The following SCAI variants were observed in gnomAD, a reference collection of about 807,000 sequenced individuals.
SCAI encodes the protein protein SCAI.
In SCAI, 24 loss-of-function variants were observed where a neutral mutation model predicts 92.2. The ratio of observed to expected loss-of-function variants is 0.26; its 90% confidence interval spans 0.19 to 0.37. The LOEUF is 0.37. Among genes scored for constraint, SCAI ranks in the 10% least tolerant of loss-of-function variants. The pLI is 1.00. For synonymous variants in SCAI, 261 were observed against 258.6 expected (o/e 1.01, Z -0.09); for missense variants, 450 against 736.2 (o/e 0.61, Z 4.50).
At chr9:124,968,394 T>TC in intron 17 of SCAI, 2 of 1,134,238 alleles carry the variant, frequency 1.8e-6, no homozygotes, top group Non-Finnish European at 2.7e-6. Flanking sequence ...GGACACGCAA[T>TC]CGTGGGAGTA....
chr9:124,945,683 G>A lies in SCAI; in HGVS notation c.*7124C>T, dbSNP rs930220465. 2.0e-5 allele frequency: 3 copies of A among 152,060 alleles called. No individual in the cohort carries two copies. Among genetic ancestry groups the A allele is most frequent in the African/African-American group, 7.2e-5 (3 of 41,398 alleles). 9.4% of individuals were successfully genotyped at this position (152,060 alleles called of 1,614,324 possible). ...ATACAGTTCTCTTTATCCAATTAAAGGCATATCACCCTACATCATCCTGAC... is the reference window on the plus strand; with the variant it reads ...ATACAGTTCTCTTTATCCAATTAAAAGCATATCACCCTACATCATCCTGAC... On this transcript the variant is annotated 3_prime_UTR_variant, in exon 18 of 18. Transcript: ENST00000336505.
chr9:124,960,859 C>T (rs1831421908), intron 17 of SCAI, among the ~76,000 whole-genome samples: 1 of 152,090 alleles, frequency 6.6e-6, no homozygotes, highest in Admixed American at 6.5e-5. Flanking sequence ...GTGGCTCATG[C>T]CTATTACCCC....
At chr9:125,058,013 C>T (rs1833705655) in intron 2 of SCAI, among the ~76,000 whole-genome samples, 1 of 151,812 alleles carries the variant, frequency 6.6e-6, no homozygotes, top group Non-Finnish European at 1.5e-5. Flanking sequence ...GCAGGAGAGT[C>T]GACTGAGGCC....
At chr9:125,093,519 T>C (rs1283306189) in intron 2 of SCAI, among the ~76,000 whole-genome samples, 1 of 151,866 alleles carries the variant, frequency 6.6e-6, no homozygotes, top group Admixed American at 6.6e-5. Context: ...TAGGTGACAG[T>C]GTGAATTTTC....
Position 125,033,340 on chromosome 9 carries a change from G to GATAATAAATATATAATAA in SCAI, c.231-3602_231-3601insTTATTATATATTTATTAT, listed in dbSNP as rs1319727344. Among the ~76,000 whole-genome samples the GATAATAAATATATAATAA allele has an allele frequency of 2.6e-5, 4 of 152,050 alleles. No homozygotes were observed. The East Asian group carries it at 7.7e-4, about 29-fold the overall frequency. ...AGATTAAGAGATTATCAGAGACAGA[G>GATAATAAATATATAATAA]ATAAATAAAATATATAAGAGAAGCA... On this transcript the variant is annotated intron_variant, in intron 3 of 17. Transcript: ENST00000336505.
chr9:125,080,956 G>C (rs1224780452), intron 2 of SCAI, among the ~76,000 whole-genome samples: 2 of 152,172 alleles, frequency 1.3e-5, no homozygotes, highest in Non-Finnish European at 2.9e-5. Flanking sequence ...AGACCCAATG[G>C]TTTTAAAAAG....
intron 15 of SCAI, chr9:124,974,185 A>T: frequency 2.2e-6 from 1 of 450,884 alleles, no homozygotes; most frequent in South Asian, 1.6e-5. Flanking sequence ...CTGATAATAA[A>T]TGTTGAATAG....
At chr9:125,121,317 A>C (rs1253189063) in intron 2 of SCAI, among the ~76,000 whole-genome samples, 2 of 149,332 alleles carry the variant, frequency 1.3e-5, no homozygotes, top group African/African-American at 5.0e-5. Flanking sequence ...AGATGAATCA[A>C]ACCTCTGGGG....
intron 2 of SCAI, among the ~76,000 whole-genome samples, chr9:125,100,303 C>T (rs1834652064): frequency 6.6e-6 from 1 of 152,180 alleles, no homozygotes; most frequent in African/African-American, 2.4e-5. Context: ...CACTTATTGA[C>T]TGTTTATTAT....
chr9:125,143,381 G>T lies in SCAI; in HGVS notation c.53+4C>A. On this transcript the variant is annotated splice_donor_region_variant and intron_variant, in intron 1 of 17. Coordinates refer to ENST00000336505, the MANE Select transcript of SCAI (RefSeq NM_001144877.3). ...CAACCCCGGCCTCCACCCAGCCCCCGCACCTGGGGGCCAGGCGACTCCGCG... is the reference window on the plus strand; with the variant it reads ...CAACCCCGGCCTCCACCCAGCCCCCTCACCTGGGGGCCAGGCGACTCCGCG... The T allele has an allele frequency of 1.7e-6, 2 of 1,158,694 alleles. No homozygotes were observed. The highest frequency in any genetic ancestry group is 3.7e-5 in the South Asian group (2 of 54,536). 71.8% of individuals were successfully genotyped at this position (1,158,694 alleles called of 1,614,324 possible).
intron 14 of SCAI, among the ~76,000 whole-genome samples, chr9:124,987,934 G>A (rs538445316): frequency 2.9e-4 from 44 of 152,154 alleles, no homozygotes; most frequent in Non-Finnish European, 5.6e-4. Context: ...CTGCACTAGA[G>A]CCTGGGTAAC....
At chr9:125,122,458 A>G (rs1232799876) in intron 2 of SCAI, among the ~76,000 whole-genome samples, 1 of 151,706 alleles carries the variant, frequency 6.6e-6, no homozygotes, top group African/African-American at 2.4e-5. Context: ...GTGTGGTGGC[A>G]GACTCCTGTA....
At chr9:125,097,161 G>A (rs545388040) in intron 2 of SCAI, among the ~76,000 whole-genome samples, 40 of 152,294 alleles carry the variant, frequency 2.6e-4, no homozygotes, top group Non-Finnish European at 4.6e-4. Context: ...AGCTGGGCGC[G>A]GTGGCTCACG....
chr9:125,081,251 G>T (rs1380630008), intron 2 of SCAI, among the ~76,000 whole-genome samples: 5 of 152,178 alleles, frequency 3.3e-5, no homozygotes, highest in Non-Finnish European at 5.9e-5. Context: ...AGTTTGGAGG[G>T]CTCAGAAGAA....
chr9:124,991,072 G>A (rs1168571361), intron 14 of SCAI, among the ~76,000 whole-genome samples: 1 of 152,122 alleles, frequency 6.6e-6, no homozygotes, highest in Admixed American at 6.6e-5. Context: ...TTAACAAGTG[G>A]CCAGGCGCAG....
intron 2 of SCAI, among the ~76,000 whole-genome samples, chr9:125,062,868 A>C (rs1325737655): frequency 2.6e-5 from 4 of 151,322 alleles, no homozygotes; most frequent in Non-Finnish European, 4.4e-5. Context: ...AAACATACAA[A>C]AATTAGCTGG....
chr9:125,078,559 A>G (rs1282181837), intron 2 of SCAI, among the ~76,000 whole-genome samples: 2 of 152,048 alleles, frequency 1.3e-5, no homozygotes, highest in East Asian at 3.9e-4. Flanking sequence ...ACAAACACTT[A>G]AAGACAGTAG....
chr9:124,980,596 C>T (rs565673175), intron 14 of SCAI, among the ~76,000 whole-genome samples: 1 of 152,254 alleles, frequency 6.6e-6, no homozygotes, highest in East Asian at 1.9e-4. Flanking sequence ...CCAATAAAAA[C>T]CCTGGTTGCT....
chr9:125,023,668 TA>T (rs571312481), intron 6 of SCAI, among the ~76,000 whole-genome samples: 261 of 139,246 alleles, frequency 1.9e-3, no homozygotes, highest in Admixed American at 1.9e-3. Flanking sequence ...TTTGAAAATG[TA>T]AAAAAAAAAA....
Sources: allele counts gnomAD v4.1 joint callset (sites outside exome capture counted in the v4.1 genomes callset), GRCh38; gene constraint gnomAD v4.1.1; transcripts MANE v1.5; gene names NCBI Gene and HGNC (gene_info 2026-07-23, HGNC 2026-07-21).